Variants in FBLN7 observed in about 807,000 individuals in gnomAD.
FBLN7 encodes the protein fibulin 7.
In FBLN7, 31 loss-of-function variants were observed where a neutral mutation model predicts 44.0. The observed-to-expected ratio is 0.70, with a 90% CI of 0.53 to 0.95. The LOEUF is 0.95. Ranked by LOEUF, FBLN7 falls within the 40% of genes least tolerant of loss-of-function variation. The pLI, the probability that FBLN7 is intolerant of heterozygous loss-of-function variation, is 0.00. For missense variants in FBLN7, 573 were observed against 618.5 expected (o/e 0.93, Z 0.78); for synonymous variants, 262 against 253.4 (o/e 1.03, Z -0.32).
intron 2 of FBLN7, among the ~76,000 whole-genome samples, chr2:112,162,824 T>C (rs1459730698): frequency 6.6e-6 from 1 of 152,182 alleles, no homozygotes; most frequent in Non-Finnish European, 1.5e-5. Context: ...TTTTCTTTTG[T>C]CGAGGTTTTT....
intron 4 of FBLN7, among the ~76,000 whole-genome samples, chr2:112,178,569 A>G (rs1395067095): frequency 6.6e-6 from 1 of 152,214 alleles, no homozygotes; most frequent in East Asian, 1.9e-4. Flanking sequence ...TGTCAGGCCA[A>G]TATCCTTGAT....
intron 3 of FBLN7, among the ~76,000 whole-genome samples, chr2:112,170,803 G>C (rs969571075): frequency 6.6e-6 from 1 of 152,240 alleles, no homozygotes; most frequent in Non-Finnish European, 1.5e-5. Context: ...CATTGGAGAT[G>C]ACAAGAATGG....
At chr2:112,233,615 T>G in the FBLN7 span, among the ~76,000 whole-genome samples, 1 of 152,188 alleles carries the variant, frequency 6.6e-6, no homozygotes, top group African/African-American at 2.4e-5. Flanking sequence ...ACGCCTGTAA[T>G]CCCAGCACTT....
In FBLN7 at chr2:112,160,810, A is replaced by ACG. The variant is rs1558880544; in HGVS notation, c.235+976_235+977insGC. ...CGCACACGCACACACGCACGCACAC[A>ACG]CACGCACACACAAGCACGCATACAC... On this transcript the variant is annotated intron_variant, in intron 2 of 7. Coordinates refer to ENST00000331203, the MANE Select transcript of FBLN7 (RefSeq NM_153214.3). Among the ~76,000 whole-genome samples, 176 of 146,568 alleles carry ACG rather than the reference A, an allele frequency of 1.2e-3. 1 individual carries two copies. The highest frequency in any genetic ancestry group is 3.7e-3 in the African/African-American group (146 of 39,396).
At chr2:112,179,024 A>G (rs2104597820) in intron 4 of FBLN7, among the ~76,000 whole-genome samples, 1 of 152,362 alleles carries the variant, frequency 6.6e-6, no homozygotes, top group Admixed American at 6.5e-5. Flanking sequence ...GCGCATCCAA[A>G]TAGGAAGAGA....
the FBLN7 span, chr2:112,234,325 A>AG: frequency 9.9e-7 from 1 of 1,009,138 alleles, no homozygotes; most frequent in Non-Finnish European, 1.4e-6. Flanking sequence ...AACCAACTTC[A>AG]GAGCCTTAAA....
chr2:112,234,845 T>C, the FBLN7 span, among the ~76,000 whole-genome samples: 1 of 151,866 alleles, frequency 6.6e-6, no homozygotes, highest in Non-Finnish European at 1.5e-5. Context: ...GTATTTATGA[T>C]TAAAAACCGA....
At chr2:112,166,036 G>A (rs1682137217) in intron 3 of FBLN7, among the ~76,000 whole-genome samples, 1 of 152,146 alleles carries the variant, frequency 6.6e-6, no homozygotes, top group South Asian at 2.1e-4. Flanking sequence ...GCAGAGTAGA[G>A]AGAGGACTTT....
chr2:112,230,577 A>G, the FBLN7 span: 11 of 155,158 alleles, frequency 7.1e-5, no homozygotes, highest in African/African-American at 2.7e-4. Context: ...CACGTCATCA[A>G]TTAATACAGA....
the FBLN7 span, among the ~76,000 whole-genome samples, chr2:112,226,604 A>AAAAAAAAAAAAAC: frequency 6.6e-6 from 1 of 151,066 alleles, no homozygotes; most frequent in Non-Finnish European, 1.5e-5. Context: ...AAAAAAAAAA[A>AAAAAAAAAAAAAC]AGCTCAGGCC....
At chr2:112,194,129 A>C in the FBLN7 span, among the ~76,000 whole-genome samples, 1 of 152,166 alleles carries the variant, frequency 6.6e-6, no homozygotes, top group East Asian at 1.9e-4. Flanking sequence ...GGTCACTCAC[A>C]TGTCTGCCTG....
chr2:112,179,819 C>A (rs1363099913), intron 4 of FBLN7, among the ~76,000 whole-genome samples: 1 of 152,204 alleles, frequency 6.6e-6, no homozygotes, highest in African/African-American at 2.4e-5. Context: ...CCACTTCTTA[C>A]ACCACAGACA....
chr2:112,238,290 A>C, the FBLN7 span: 1 of 1,603,684 alleles, frequency 6.2e-7, no homozygotes, highest in Middle Eastern at 1.7e-4. Context: ...ATAAACTTTA[A>C]ATGATAAAAT....
intron 3 of FBLN7, among the ~76,000 whole-genome samples, chr2:112,172,436 G>A (rs1283839566): frequency 6.6e-6 from 1 of 151,986 alleles, no homozygotes; most frequent in Non-Finnish European, 1.5e-5. Context: ...TTTTTCTTGA[G>A]TATCTTATGT....
At chr2:112,157,749 C>T (rs1021763046) in intron 1 of FBLN7, among the ~76,000 whole-genome samples, 3 of 152,130 alleles carry the variant, frequency 2.0e-5, no homozygotes, top group Admixed American at 6.5e-5. Flanking sequence ...TACAGGCGAG[C>T]ACCACCATGC....
At chr2:112,189,165 C>T (rs1296523264), downstream of FBLN7, 1 of 152,316 alleles carries the variant, frequency 6.6e-6, no homozygotes, top group African/African-American at 2.4e-5. Context: ...TCTCACATGC[C>T]AGAAGGTGGG....
chr2:112,141,744 G>A (rs372023068), intron 1 of FBLN7, among the ~76,000 whole-genome samples: 5 of 152,248 alleles, frequency 3.3e-5, no homozygotes, highest in African/African-American at 7.2e-5. Context: ...GTGATGAGAT[G>A]CGTGAGAACC....
At chr2:112,156,528 T>C (rs553659094) in intron 1 of FBLN7, among the ~76,000 whole-genome samples, 48 of 152,292 alleles carry the variant, frequency 3.2e-4, no homozygotes, top group African/African-American at 1.1e-3. Flanking sequence ...AGAGCCCCCC[T>C]TTTTTAAGGA....
chr2:112,226,618 T>C, the FBLN7 span, among the ~76,000 whole-genome samples: 17 of 139,366 alleles, frequency 1.2e-4, no homozygotes, highest in African/African-American at 4.6e-4. Context: ...TCAGGCCCAG[T>C]TGTCTTACTG....
Sources: gnomAD v4.1 joint callset for allele counts (sites outside exome capture counted in the v4.1 genomes callset) on GRCh38, gnomAD v4.1.1 for gene constraint, MANE v1.5 for transcripts, NCBI Gene and HGNC (gene_info 2026-07-23, HGNC 2026-07-21) for gene names.